The following DONSON variants were observed in gnomAD, a reference collection of about 807,000 sequenced individuals.
The protein encoded by DONSON is DNA replication fork stabilization factor DONSON.
In DONSON, 43 loss-of-function variants were observed where a neutral mutation model predicts 62.1. That is an observed-to-expected ratio of 0.69 (90% CI 0.54 to 0.89). The LOEUF (loss-of-function observed/expected upper bound fraction) is 0.89. DONSON is among the 40% of genes least tolerant of loss of function. DONSON has a pLI of 0.00. For missense variants in DONSON, 696 were observed against 697.5 expected (o/e 1.00, Z 0.03); for synonymous variants, 266 against 264.6 (o/e 1.01, Z -0.05).
At chr21:33,581,550 G>T in intron 7 of DONSON, 50 bp from the exon 8 acceptor site, 1 of 1,507,588 alleles carries the variant, frequency 6.6e-7, no homozygotes, top group Non-Finnish European at 9.1e-7. Context: ...ACCTAATGTG[G>T]AAAGCAGTTA....
Position 33,579,452 on chromosome 21 carries a change from C to A in DONSON, c.1461G>T (p.Leu487=). The A allele has an allele frequency of 3.1e-6, 5 of 1,614,184 alleles. No homozygotes were observed. The highest frequency in any genetic ancestry group is 4.2e-6 in the Non-Finnish European group (5 of 1,180,024). ...AAGATCCACTCTGTGAAGATTTGAG[C>A]AGCATGGTCAGTGAATGCAGAGAAT... ...MPHSLHSLTM[L]LKSSQSGSFS... The change falls in exon 9 of 10, where the codon CTG becomes CTT. Residue 487 remains leucine (L), a synonymous_variant. Transcript: ENST00000303071.
rs753011971 is a variant in DONSON at position 33,581,319 on chromosome 21, T to C, written c.1333A>G (p.Thr445Ala). The change falls in exon 8 of 10, where the codon ACA becomes GCA. Residue 445 changes from threonine to alanine, a missense_variant. Physicochemically the swap from Thr to Ala is moderately conservative, Grantham distance 58 (BLOSUM62 0). Transcript: ENST00000303071. ...LLSPVAFRGA[T>A]MQMLKARSVN... ...TTTATTACCTTAAGCATTTGCATTG[T>C]GGCACCTCGGAAAGCAACAGGGGAC... is the stretch of plus-strand genomic sequence containing the variant. 4 of 1,614,148 alleles carry C rather than the reference T, an allele frequency of 2.5e-6. No individual in the cohort carries two copies. The South Asian group carries it at 3.3e-5, about 13-fold the overall frequency.
At chr21:33,581,135 T>C (rs2086504730) in intron 8 of DONSON, 167 bp downstream of exon 8, 1 of 576,474 alleles carries the variant, frequency 1.7e-6, no homozygotes, top group African/African-American at 1.9e-5. Context: ...ACATAATTTC[T>C]TTGATATAAC....
intron 5 of DONSON, among the ~76,000 whole-genome samples, chr21:33,582,972 C>T (rs1190022696): frequency 2.6e-5 from 4 of 151,842 alleles, no homozygotes; most frequent in Admixed American, 1.3e-4. Flanking sequence ...GAGGCCGAGG[C>T]GGGCGGATCA....
At chr21:33,587,981 G>C (rs1460773202) in intron 1 of DONSON, among the ~76,000 whole-genome samples, 1 of 152,188 alleles carries the variant, frequency 6.6e-6, no homozygotes, top group African/African-American at 2.4e-5. Context: ...CAGCGTCCTT[G>C]CAAGATGGGG....
intron 2 of DONSON, among the ~76,000 whole-genome samples, chr21:33,587,119 A>C (rs2086585825): frequency 6.6e-6 from 1 of 152,178 alleles, no homozygotes; most frequent in Non-Finnish European, 1.5e-5. Context: ...TGGGGAATGG[A>C]AACGTGTGTG....
chr21:33,579,053 GTT>G (rs2086471336), intron 9 of DONSON, among the ~76,000 whole-genome samples: 2 of 146,138 alleles, frequency 1.4e-5, no homozygotes, highest in East Asian at 4.1e-4. Context: ...CAGGAGAACT[GTT>G]TGAACCCAGG....
At chr21:33,584,539 C>G in intron 4 of DONSON, 51 bp downstream of exon 4, 2 of 1,463,186 alleles carry the variant, frequency 1.4e-6, no homozygotes, top group Non-Finnish European at 1.8e-6. Context: ...GAGAATGCTG[C>G]TAAAATAAAA....
At chr21:33,587,639 ATGC>A in intron 1 of DONSON, 37 bp from the exon 2 acceptor site, 1 of 1,462,506 alleles carries the variant, frequency 6.8e-7, no homozygotes. Context: ...AATTTAAAGG[ATGC>A]TGAAGTTTGC....
intron 9 of DONSON, 107 bp from the exon 10 acceptor site, chr21:33,578,551 T>C: frequency 8.2e-7 from 1 of 1,213,062 alleles, no homozygotes; most frequent in Non-Finnish European, 1.1e-6. Context: ...ATTAATGTGA[T>C]TCATCCTATT....
rs2086445660 is a variant in DONSON, at chr21:33,577,677, ACACACACACACACACACACACACACC to A, written c.*604_*629del. ...CACACACACACACACACACACACAC[ACACACACACACACACACACACACACC>A]CCTATAAGCACATTAAATACTACTT... is the stretch of plus-strand genomic sequence containing the variant. On this transcript the variant is annotated 3_prime_UTR_variant, in exon 10 of 10. Coordinates refer to ENST00000303071, the MANE Select transcript of DONSON (RefSeq NM_017613.4). 4 of 102,168 alleles carry A rather than the reference ACACACACACACACACACACACACACC, an allele frequency of 3.9e-5. No individual in the cohort carries two copies. The East Asian group carries it at 7.9e-4, about 20-fold the overall frequency. The allele number at this position is 102,168 out of a possible 1,614,324, so 6.3% of individuals were successfully genotyped here. A position where few individuals can be genotyped will look rare whatever the true frequency, so the allele number is the denominator to read the frequency against.
intron 8 of DONSON, 135 bp downstream of exon 8, chr21:33,581,163 GTTTC>G: frequency 1.4e-6 from 1 of 714,940 alleles, no homozygotes; most frequent in South Asian, 2.2e-5. Flanking sequence ...TATAATTTTT[GTTTC>G]TTTTTTTAAT....
Position 33,583,596 on chromosome 21 carries a change from A to C in DONSON, c.856T>G (p.Tyr286Asp). 6.2e-7 allele frequency: 1 copy of C among 1,613,980 alleles called. No homozygotes were observed. Among genetic ancestry groups the C allele is most frequent in the Middle Eastern group, 1.7e-4 (1 of 6,060 alleles). Residue 286 changes from tyrosine (Y) to aspartate (D), a missense_variant, in exon 5 of 10, where the codon TAT becomes GAT. Tyr to Asp is a radical substitution (Grantham distance 160, BLOSUM62 -3). Coordinates refer to ENST00000303071, the MANE Select transcript of DONSON (RefSeq NM_017613.4). Reference sequence around the variant, plus strand: ...GCTCGGAACAGGACAGTAAACTGATAGGTACAAACGTAGAAATAGGGGCAA... The same window carrying C: ...GCTCGGAACAGGACAGTAAACTGATCGGTACAAACGTAGAAATAGGGGCAA... ...KLCPYFYVCT[Y>D]QFTVLFRAAG...
chr21:33,582,054 C>T lies in DONSON; in HGVS notation c.1048G>A (p.Glu350Lys), dbSNP rs149158600. ...ASGTSLGYGE[E>K]QAISDEDEEE... is the part of the protein sequence containing the mutation. Reference sequence around the variant, plus strand: ...TCATCCTCATCACTGATGGCTTGCTCCCTAGGAAATTGCTACAGTTAGAGT... The same window carrying T: ...TCATCCTCATCACTGATGGCTTGCTTCCTAGGAAATTGCTACAGTTAGAGT... Residue 350 changes from glutamate (E) to lysine (K), a missense_variant and splice_region_variant, in exon 7 of 10, where the codon GAG becomes AAG. Glu to Lys is a moderately conservative substitution (Grantham distance 56). Transcript: ENST00000303071. 43 of 1,614,080 alleles carry T rather than the reference C, an allele frequency of 2.7e-5. No individual in the cohort carries two copies. Among genetic ancestry groups the T allele is most frequent in the Non-Finnish European group, 3.6e-5 (42 of 1,179,970 alleles).
intron 5 of DONSON, among the ~76,000 whole-genome samples, chr21:33,582,928 G>A (rs895103226): frequency 2.6e-5 from 4 of 152,022 alleles, no homozygotes; most frequent in South Asian, 2.1e-4. Context: ...TTGTCCGGGC[G>A]CGGTGGCTCA....
chr21:33,581,649 T>A, intron 7 of DONSON, 149 bp from the exon 8 acceptor site: 1 of 739,832 alleles, frequency 1.4e-6, no homozygotes, highest in Non-Finnish European at 2.2e-6. Flanking sequence ...ATAAGGCATA[T>A]GTTTCAATCA....
chr21:33,580,383 G>A (rs1223821163), intron 8 of DONSON, among the ~76,000 whole-genome samples: 2 of 137,230 alleles, frequency 1.5e-5, no homozygotes, highest in African/African-American at 2.7e-5. Context: ...GTGAAAACCC[G>A]TCTCTACAAA....
chr21:33,583,577 A>C lies in DONSON; in HGVS notation c.875T>G (p.Phe292Cys), dbSNP rs759427178. 1.2e-6 allele frequency: 2 copies of C among 1,614,066 alleles called. No homozygotes were observed. Among genetic ancestry groups the C allele is most frequent in the Non-Finnish European group, 1.7e-6 (2 of 1,179,990 alleles). ...ACTTCCAGCTAATCCTGCTGCTCGG[A>C]ACAGGACAGTAAACTGATAGGTACA... ...YVCTYQFTVL[F>C]RAAGLAGSDL... The change falls in exon 5 of 10, where the codon TTC becomes TGC. Residue 292 changes from phenylalanine (F) to cysteine (C), a missense_variant. By Grantham distance (205) the Phe-to-Cys change is radical. Coordinates refer to ENST00000303071, the MANE Select transcript of DONSON (RefSeq NM_017613.4).
At chr21:33,581,067 C>T (rs113949619) in intron 8 of DONSON, 35 of 390,918 alleles carry the variant, frequency 9.0e-5, no homozygotes, top group Non-Finnish European at 1.4e-4. Flanking sequence ...TGGATAGCAG[C>T]GCAAGACTCC....
Sources: gnomAD v4.1 joint callset for allele counts (sites outside exome capture counted in the v4.1 genomes callset) on GRCh38, gnomAD v4.1.1 for gene constraint, MANE v1.5 for transcripts, NCBI Gene and HGNC (gene_info 2026-07-23, HGNC 2026-07-21) for gene names.